The following IQANK1 variants were observed in gnomAD, a reference collection of about 807,000 sequenced individuals.
IQANK1 encodes the protein IQ motif and ankyrin repeat domain-containing protein 1.
A neutral mutation model predicts 22.6 loss-of-function variants in IQANK1; 30 were observed. That is an observed-to-expected ratio of 1.33 (90% confidence interval 0.99 to 1.80). The LOEUF (loss-of-function observed/expected upper bound fraction) is 1.80, where lower values mean the gene tolerates loss of function less well. IQANK1 is among the 40% of genes most tolerant of loss of function. IQANK1 has a pLI of 0.00. For synonymous variants in IQANK1, 122 were observed against 99.6 expected (o/e 1.23, Z -1.34); for missense variants, 275 against 235.2 (o/e 1.17, Z -1.11).
rs190037528 is a variant in IQANK1, at chr8:143,785,985, A to G, written c.790-2930A>G. On this transcript the variant is annotated intron_variant, in intron 7 of 13. Coordinates refer to ENST00000527139, the MANE Select transcript of IQANK1 (RefSeq NM_001381874.1). ...TGTGATCTGCCTGCCTCAGCCTTCC[A>G]AAGTGCTGAGATCACAGGCGTCAGC... 1.0e-3 allele frequency among the ~76,000 whole-genome samples: 158 copies of G among 152,272 alleles called. 3 individuals are homozygous for G. In the East Asian group the frequency reaches 0.022, roughly 21 times the overall value.
intron 3 of IQANK1, among the ~76,000 whole-genome samples, chr8:143,769,199 A>G (rs1194816428): frequency 6.6e-6 from 1 of 151,974 alleles, no homozygotes; most frequent in Non-Finnish European, 1.5e-5. Context: ...AACCGGGACT[A>G]CAGATGCACG....
chr8:143,771,311 C>G lies in IQANK1; in HGVS notation c.176-177C>G, dbSNP rs544144763. On this transcript the variant is annotated intron_variant, in intron 3 of 13. Transcript: ENST00000527139. The surrounding 1 kb of genome is among the most constrained non-coding windows in gnomAD (Gnocchi z 6.0). ...CTCCGCGTCCCGGGCTCTCGCGCAG[C>G]CTCCTCGTGCGGCCTCTGCGGGCGG... 4.1e-3 allele frequency among the ~76,000 whole-genome samples: 630 copies of G among 151,918 alleles called. 1 individual carries two copies. The highest frequency in any genetic ancestry group is 0.014 in the African/African-American group (586 of 41,470).
At chr8:143,764,426 G>A (rs1472185456) in intron 3 of IQANK1, among the ~76,000 whole-genome samples, 8 of 145,736 alleles carry the variant, frequency 5.5e-5, no homozygotes, top group African/African-American at 2.1e-4. Context: ...ACCAGCCTGG[G>A]CAACATGGTG....
intron 7 of IQANK1, among the ~76,000 whole-genome samples, chr8:143,775,676 T>C (rs1819667014): frequency 6.6e-6 from 1 of 151,728 alleles, no homozygotes; most frequent in African/African-American, 2.4e-5. Context: ...AGAGGAGAAG[T>C]GCTTGAACTC....
intron 3 of IQANK1, among the ~76,000 whole-genome samples, chr8:143,749,587 A>T (rs10094197): frequency 0.83 from 103,457 of 125,254 alleles, 40,917 homozygotes; most frequent in African/African-American, 0.84. Flanking sequence ...TATATATTTT[A>T]TTTATTTATT....
rs1554629783 is a variant in IQANK1 at position 143,771,673 on chromosome 8, A to C, written c.306+55A>C. 7 of 398,472 alleles carry C rather than the reference A, an allele frequency of 1.8e-5. No individual in the cohort carries two copies. Among genetic ancestry groups the C allele is most frequent in the African/African-American group, 2.1e-5 (1 of 48,344 alleles). 24.7% of individuals were successfully genotyped at this position (398,472 alleles called of 1,614,324 possible). A position where few individuals can be genotyped will look rare whatever the true frequency, so the allele number is the denominator to read the frequency against. ...GCCAGGCAGGAGGCAGGGGGAGGAAATGGCGAAGCAGGGTGCGTGGTGGGG... is the reference window on the plus strand; with the variant it reads ...GCCAGGCAGGAGGCAGGGGGAGGAACTGGCGAAGCAGGGTGCGTGGTGGGG... On this transcript the variant is annotated intron_variant, in intron 4 of 13. Transcript: ENST00000527139. This position sits in a 1 kb window ranked among gnomAD's most constrained non-coding sequence, Gnocchi z 6.0.
chr8:143,788,422 T>C (rs879984407), intron 7 of IQANK1, among the ~76,000 whole-genome samples: 1 of 152,198 alleles, frequency 6.6e-6, no homozygotes, highest in Admixed American at 6.5e-5. Flanking sequence ...CCTGGAGTGC[T>C]GGGGACTCAG....
chr8:143,748,431 G>A, intron 3 of IQANK1, among the ~76,000 whole-genome samples: 1 of 140,290 alleles, frequency 7.1e-6, no homozygotes, highest in Non-Finnish European at 1.5e-5. Context: ...CTTCATATAT[G>A]TATATATAAA....
rs972532965 is a variant in IQANK1 at position 143,771,821 on chromosome 8, C to G, written c.327C>G (p.Arg109=). The change falls in exon 5 of 14, where the codon CGC becomes CGG. Residue 109 remains arginine (R), a synonymous_variant. Coordinates refer to ENST00000527139, the MANE Select transcript of IQANK1 (RefSeq NM_001381874.1). The surrounding 1 kb of genome is among the most constrained non-coding windows in gnomAD (Gnocchi z 6.0). ...CCCAGGCCTACCTGGCTCCGGTGCG[C>G]CGGGAGCAGGAGGCCGCGCGGCGGC... The part of the protein sequence containing the change: ...PQKEAYLAPV[R]REQEAARRLR... 3.0e-5 allele frequency: 12 copies of G among 395,946 alleles called. No individual in the cohort carries two copies. Among genetic ancestry groups the G allele is most frequent in the African/African-American group, 2.5e-4 (12 of 48,412 alleles). The allele number at this position is 395,946 out of a possible 1,614,324, so 24.5% of individuals were successfully genotyped here.
chr8:143,750,278 GT>G (rs1391966578), intron 3 of IQANK1, among the ~76,000 whole-genome samples: 1 of 152,120 alleles, frequency 6.6e-6, no homozygotes, highest in African/African-American at 2.4e-5. Flanking sequence ...GATTACAGGT[GT>G]GAGTCACCGT....
At chr8:143,755,705 C>T (rs1315069141) in intron 3 of IQANK1, among the ~76,000 whole-genome samples, 1 of 152,212 alleles carries the variant, frequency 6.6e-6, no homozygotes, top group Non-Finnish European at 1.5e-5. Flanking sequence ...CGGGCAACAT[C>T]ATTGCAGTCA....
At chr8:143,738,661 G>A (rs901881719) in intron 2 of IQANK1, among the ~76,000 whole-genome samples, 1 of 152,238 alleles carries the variant, frequency 6.6e-6, no homozygotes, top group Non-Finnish European at 1.5e-5. Context: ...AGCAACGGGC[G>A]TGCCTGGTCC....
chr8:143,763,990 A>G (rs1446659054), intron 3 of IQANK1, among the ~76,000 whole-genome samples: 2 of 152,156 alleles, frequency 1.3e-5, no homozygotes, highest in Non-Finnish European at 2.9e-5. Flanking sequence ...AAGTCCCTCA[A>G]GTTTTGATTT....
intron 3 of IQANK1, among the ~76,000 whole-genome samples, chr8:143,765,184 C>T (rs569126441): frequency 3.7e-4 from 56 of 152,088 alleles, no homozygotes; most frequent in African/African-American, 1.2e-3. Context: ...GGTAAAACCC[C>T]GTCTCTACCA....
chr8:143,780,253 T>G (rs1388061637), intron 7 of IQANK1, among the ~76,000 whole-genome samples: 2 of 152,228 alleles, frequency 1.3e-5, no homozygotes, highest in African/African-American at 2.4e-5. Context: ...GATTGTAGTA[T>G]TATTAATATT....
chr8:143,738,220 T>C (rs554815726), intron 2 of IQANK1, among the ~76,000 whole-genome samples: 1 of 152,244 alleles, frequency 6.6e-6, no homozygotes, highest in Admixed American at 6.5e-5. Context: ...GAACTCGACT[T>C]CGTTTCCCAG....
chr8:143,781,170 G>A (rs956227925), intron 7 of IQANK1, among the ~76,000 whole-genome samples: 1 of 152,006 alleles, frequency 6.6e-6, no homozygotes, highest in Non-Finnish European at 1.5e-5. Context: ...ACTTTTTAAT[G>A]GGGTTTTCTC....
intron 7 of IQANK1, among the ~76,000 whole-genome samples, chr8:143,787,840 C>T (rs570471646): frequency 9.9e-5 from 15 of 152,220 alleles, no homozygotes; most frequent in African/African-American, 2.9e-4. Context: ...GCACCCCTAA[C>T]GCAGTGCCTT....
rs1819335576 is a variant in IQANK1, at chr8:143,758,664, C to T, written c.176-12824C>T. On this transcript the variant is annotated intron_variant, in intron 3 of 13. Coordinates refer to ENST00000527139, the MANE Select transcript of IQANK1 (RefSeq NM_001381874.1). The surrounding 1 kb of genome is among the most constrained non-coding windows in gnomAD (Gnocchi z 4.2). ...AATAAATAATTTTACAGTGAAGGGG[C>T]CTGGATCAAAACTGGCAGTGACACC... The T allele has an allele frequency of 6.6e-6, 1 of 152,180 alleles. No individual in the cohort carries two copies. The highest frequency in any genetic ancestry group is 1.5e-5 in the Non-Finnish European group (1 of 68,070). The allele number at this position is 152,180 out of a possible 1,614,324, so 9.4% of individuals were successfully genotyped here. A position where few individuals can be genotyped will look rare whatever the true frequency, so the allele number is the denominator to read the frequency against.
Sources: allele counts gnomAD v4.1 joint callset (sites outside exome capture counted in the v4.1 genomes callset), GRCh38; gene constraint gnomAD v4.1.1; non-coding constraint Gnocchi (gnomAD v3.1); transcripts MANE v1.5; gene names NCBI Gene and HGNC (gene_info 2026-07-23, HGNC 2026-07-21).